ASAP1: variants seen among roughly 807,000 people sequenced by gnomAD.
The protein encoded by ASAP1 is ArfGAP with SH3 domain, ankyrin repeat and PH domain 1.
ASAP1 carries 43 observed loss-of-function variants against 145.2 expected under a neutral mutation model. The ratio of observed to expected loss-of-function variants is 0.30; its 90% CI spans 0.23 to 0.38. The LOEUF (loss-of-function observed/expected upper bound fraction) is 0.38, where lower values mean the gene tolerates loss of function less well. Ranked by LOEUF, ASAP1 falls within the 10% of genes least tolerant of loss-of-function variation. The pLI is 1.00. For synonymous variants in ASAP1, 546 were observed against 515.5 expected, an observed-to-expected ratio of 1.06 and a Z score of -0.80; for missense variants, 1,018 against 1,355.3, an observed-to-expected ratio of 0.75 and a Z score of 3.91.
chr8:130,410,710 C>A (rs1466201999), intron 1 of ASAP1, among the ~76,000 whole-genome samples: 1 of 152,246 alleles, frequency 6.6e-6, no homozygotes, highest in Non-Finnish European at 1.5e-5. Flanking sequence ...CAGCTGCCCC[C>A]TCATGCTGCA....
intron 3 of ASAP1, among the ~76,000 whole-genome samples, chr8:130,264,682 A>G (rs1285230670): frequency 6.6e-6 from 1 of 152,202 alleles, no homozygotes. Flanking sequence ...GCTAATAAAT[A>G]ATGTGTTTGC....
chr8:130,252,038 TTA>T (rs1301178371), intron 3 of ASAP1, among the ~76,000 whole-genome samples: 1 of 152,170 alleles, frequency 6.6e-6, no homozygotes, highest in Non-Finnish European at 1.5e-5. Context: ...AGGATGTGTA[TTA>T]TCAAATGTTC....
intron 5 of ASAP1, among the ~76,000 whole-genome samples, chr8:130,202,970 C>T (rs62525882): frequency 4.6e-5 from 7 of 151,870 alleles, no homozygotes; most frequent in Admixed American, 4.6e-4. Flanking sequence ...GGTTACCATA[C>T]AGTATAATCT....
rs1335015841 is a variant in ASAP1 at position 130,354,711 on chromosome 8, G to A, written c.186+3306C>T. On this transcript the variant is annotated intron_variant, in intron 3 of 29. Transcript: ENST00000518721. Reference sequence around the variant, plus strand: ...TAAGTAAAACACTGGCTTTTTGCTTGGAAAACACTCACACGCCAGGATGAA... The same window carrying A: ...TAAGTAAAACACTGGCTTTTTGCTTAGAAAACACTCACACGCCAGGATGAA... Among the ~76,000 whole-genome samples, 45 of 152,086 alleles carry A rather than the reference G, an allele frequency of 3.0e-4. 1 individual carries two copies. Among genetic ancestry groups the A allele is most frequent in the Non-Finnish European group, 8.8e-5 (6 of 67,992 alleles).
intron 10 of ASAP1, among the ~76,000 whole-genome samples, chr8:130,168,600 A>G (rs978104680): frequency 3.9e-5 from 6 of 152,174 alleles, no homozygotes; most frequent in Non-Finnish European, 8.8e-5. Context: ...ACAAAAACAA[A>G]AACAGAAACA....
In ASAP1 at chr8:130,214,648, T is replaced by G. The variant is rs1489168922; in HGVS notation, c.313A>C (p.Asn105His). The change falls in exon 5 of 30, where the codon AAT (asparagine) becomes CAT (histidine). Residue 105 changes from asparagine (N) to histidine (H), a missense_variant. By Grantham distance (68) the Asn-to-His change is moderately conservative. Around this residue, in one of 9 missense-constraint regions of ASAP1, gnomAD observed 106 missense variants for 134.5 expected, o/e 0.79. Transcript: ENST00000518721. ...YAQVLDKFGS[N>H]FLSRDNPDLG... is the part of the protein sequence containing the mutation. Reference sequence around the variant, plus strand: ...TCGGGGTTGTCTCGACTTAAAAAATTACTCCCAAACTTATCAAGAACTTGT... The same window carrying G: ...TCGGGGTTGTCTCGACTTAAAAAATGACTCCCAAACTTATCAAGAACTTGT... The G allele has an allele frequency of 6.2e-7, 1 of 1,611,186 alleles. No homozygotes were observed. The highest frequency in any genetic ancestry group is 8.5e-7 in the Non-Finnish European group (1 of 1,178,432).
rs574297869 is a variant in ASAP1 at position 130,145,233 on chromosome 8, A to C, written c.1080+7503T>G. On this transcript the variant is annotated intron_variant, in intron 13 of 29. Coordinates refer to ENST00000518721, the MANE Select transcript of ASAP1 (RefSeq NM_018482.4). ...CCACTTTACGTCATGCTATCCAACA[A>C]GGGTACATAAAACTAAAACCTTCAG... Among the ~76,000 whole-genome samples, 3 of 152,352 alleles carry C rather than the reference A, an allele frequency of 2.0e-5. No homozygotes were observed. In the South Asian group the frequency reaches 6.2e-4, roughly 32 times the overall value.
intron 25 of ASAP1, chr8:130,084,062 G>C (rs2097487252): frequency 6.6e-6 from 1 of 152,298 alleles, no homozygotes; most frequent in South Asian, 2.1e-4. Flanking sequence ...CAAAGTGCTG[G>C]GATTACAGGC....
intron 1 of ASAP1, among the ~76,000 whole-genome samples, chr8:130,415,018 A>T (rs1455201041): frequency 1.3e-5 from 2 of 152,260 alleles, no homozygotes. Flanking sequence ...TTGGCCTCCC[A>T]AAGTGCTGGG....
chr8:130,406,481 T>A (rs917901265), intron 1 of ASAP1, among the ~76,000 whole-genome samples: 1 of 151,826 alleles, frequency 6.6e-6, no homozygotes, highest in Non-Finnish European at 1.5e-5. Context: ...AGTTCTTTTT[T>A]TTTTTTTTTT....
intron 4 of ASAP1, among the ~76,000 whole-genome samples, chr8:130,231,794 C>T (rs1243865027): frequency 6.6e-6 from 1 of 152,204 alleles, no homozygotes; most frequent in South Asian, 2.1e-4. Flanking sequence ...CAGTATGTCT[C>T]ACTGTGTTTT....
chr8:130,164,665 T>A (rs1012381022), intron 11 of ASAP1, among the ~76,000 whole-genome samples: 5 of 152,188 alleles, frequency 3.3e-5, no homozygotes, highest in Non-Finnish European at 5.9e-5. Flanking sequence ...ATTAAGCTAT[T>A]ACAAAAGCTT....
chr8:130,367,117 C>T (rs973879277), intron 2 of ASAP1, among the ~76,000 whole-genome samples: 7 of 151,942 alleles, frequency 4.6e-5, no homozygotes, highest in Non-Finnish European at 2.9e-5. Flanking sequence ...GTCTCGATCT[C>T]TTGACCTCAT....
At chr8:130,438,126 C>T (rs1830379351) in intron 1 of ASAP1, among the ~76,000 whole-genome samples, 1 of 152,160 alleles carries the variant, frequency 6.6e-6, no homozygotes, top group East Asian at 1.9e-4. Context: ...TGTGCCTCTC[C>T]AAAGTGCTTA....
At chr8:130,401,057 T>A (rs1373385366) in intron 2 of ASAP1, among the ~76,000 whole-genome samples, 1 of 150,754 alleles carries the variant, frequency 6.6e-6, no homozygotes, top group Non-Finnish European at 1.5e-5. Context: ...ATTTTTTGTA[T>A]TTTTAGTAGA....
intron 3 of ASAP1, among the ~76,000 whole-genome samples, chr8:130,263,712 G>C (rs1050188970): frequency 6.6e-6 from 1 of 152,172 alleles, no homozygotes; most frequent in Admixed American, 6.5e-5. Flanking sequence ...AGGGAATCAA[G>C]CTCAGCAATG....
chr8:130,115,946 T>C (rs373862474), intron 22 of ASAP1, among the ~76,000 whole-genome samples: 65 of 152,334 alleles, frequency 4.3e-4, no homozygotes, highest in African/African-American at 1.4e-3. Context: ...CTTCTTTATT[T>C]TGATGACTTG....
At chr8:130,366,515 A>G (rs1826956437) in intron 2 of ASAP1, among the ~76,000 whole-genome samples, 1 of 152,126 alleles carries the variant, frequency 6.6e-6, no homozygotes, top group African/African-American at 2.4e-5. Flanking sequence ...GTCTCTGACA[A>G]CATTTTCCCC....
chr8:130,224,160 A>G (rs1817456302), intron 4 of ASAP1, among the ~76,000 whole-genome samples: 1 of 152,184 alleles, frequency 6.6e-6, no homozygotes, highest in Non-Finnish European at 1.5e-5. Context: ...CACTGCATGT[A>G]GTGGATTCTC....
Sources: gnomAD v4.1 joint callset for allele counts (sites outside exome capture counted in the v4.1 genomes callset) on GRCh38, gnomAD v4.1.1 for gene constraint, gnomAD v4.1.1 regional missense constraint, MANE v1.5 for transcripts, NCBI Gene and HGNC (gene_info 2026-07-23, HGNC 2026-07-21) for gene names.